The following PFKM variants were observed in gnomAD, a reference collection of about 807,000 sequenced individuals.
PFKM encodes phosphofructokinase, muscle, also known as ATP-dependent 6-phosphofructokinase, muscle type.
PFKM carries 58 observed loss-of-function variants against 95.5 expected under a neutral mutation model. That is an observed-to-expected ratio of 0.61 (90% confidence interval 0.49 to 0.76). PFKM has a LOEUF of 0.76. Among genes scored for constraint, PFKM ranks in the 30% least tolerant of loss-of-function variants. The pLI, the probability that PFKM is intolerant of heterozygous loss-of-function variation, is 0.00. For missense variants in PFKM, 678 were observed against 1,005.4 expected (o/e 0.67, Z 4.40); for synonymous variants, 336 against 357.2 (o/e 0.94, Z 0.67).
At chr12:48,120,197 G>A (rs144701466) in intron 1 of PFKM, among the ~76,000 whole-genome samples, 66 of 152,186 alleles carry the variant, frequency 4.3e-4, no homozygotes, top group African/African-American at 1.5e-3. Context: ...AAATAAGAGC[G>A]TCTCTAGTCA....
At chr12:48,140,945 C>A (rs978854607) in intron 14 of PFKM, 74 bp downstream of exon 14, 1 of 1,499,616 alleles carries the variant, frequency 6.7e-7, no homozygotes, top group Non-Finnish European at 9.3e-7. Flanking sequence ...TGTCCATTCT[C>A]TTGGCTTCCT....
At chr12:48,141,606 G>A (rs1241335758) in intron 15 of PFKM, 134 bp from the exon 16 acceptor site, 1 of 819,276 alleles carries the variant, frequency 1.2e-6, no homozygotes, top group Admixed American at 1.7e-5. Flanking sequence ...GAGAGGGTGG[G>A]CTAGGGAGGG....
rs1338491821 is a variant in PFKM, at chr12:48,108,211, A to G, written c.205+17A>G. The stretch of plus-strand genomic sequence containing the variant: ...TCAAAACTGGTGAGGCATGTGGGTC[A>G]ACAGTGAGAAATGTTCAAAGGAATA... On this transcript the variant is annotated intron_variant, in intron 3 of 24. Transcript: ENST00000340802. 3 of 1,594,474 alleles carry G rather than the reference A, an allele frequency of 1.9e-6. No individual in the cohort carries two copies. The African/African-American group carries it at 4.0e-5, about 21-fold the overall frequency.
chr12:48,125,450 C>T (rs886186917), intron 2 of PFKM: 8 of 379,676 alleles, frequency 2.1e-5, no homozygotes, highest in Admixed American at 3.5e-5. Flanking sequence ...GGAGAAACCC[C>T]GTCTCTACTA....
chr12:48,128,461 C>A (rs1026511565), intron 2 of PFKM, among the ~76,000 whole-genome samples: 3 of 152,088 alleles, frequency 2.0e-5, no homozygotes, highest in Non-Finnish European at 4.4e-5. Context: ...GTCTTGAAGA[C>A]CATTACCAAG....
intron 1 of PFKM, among the ~76,000 whole-genome samples, chr12:48,120,933 C>G (rs181422090): frequency 4.6e-5 from 7 of 152,266 alleles, no homozygotes; most frequent in Admixed American, 4.6e-4. Context: ...GGCGGATCAC[C>G]TGAAGTCAGG....
chr12:48,129,922 G>A (rs1412740314), intron 2 of PFKM, among the ~76,000 whole-genome samples: 1 of 152,178 alleles, frequency 6.6e-6, no homozygotes, highest in Non-Finnish European at 1.5e-5. Flanking sequence ...TACTAGCTTT[G>A]TGCCCCTTGA....
At chr12:48,105,558 G>A, upstream of PFKM, 1 of 502,070 alleles carries the variant, frequency 2.0e-6, no homozygotes, top group East Asian at 5.5e-5. Context: ...ATGTTTACGT[G>A]AGACGCAGAA....
rs557362173 is a variant in PFKM, at chr12:48,145,725, G to A, written c.*17G>A. 2 of 1,613,202 alleles carry A rather than the reference G, an allele frequency of 1.2e-6. No individual in the cohort carries two copies. Among genetic ancestry groups the A allele is most frequent in the Non-Finnish European group, 1.7e-6 (2 of 1,179,224 alleles). On this transcript the variant is annotated 3_prime_UTR_variant, in exon 23 of 23. Coordinates refer to ENST00000359794, the MANE Select transcript of PFKM (RefSeq NM_000289.6). This position sits in a 1 kb window ranked among gnomAD's most constrained non-coding sequence, Gnocchi z 4.3. ...GCCGTCTAAACCTCTCTGGAGTGAGGGGAATAGATTACCTGATCATGGTCA... is the reference window on the plus strand; with the variant it reads ...GCCGTCTAAACCTCTCTGGAGTGAGAGGAATAGATTACCTGATCATGGTCA...
At chr12:48,131,429 C>T (rs370975414) in intron 4 of PFKM, 36 bp downstream of exon 4, 2 of 1,458,302 alleles carry the variant, frequency 1.4e-6, no homozygotes, top group African/African-American at 2.8e-5. Flanking sequence ...CATATTTGCT[C>T]TGTCCTTGTT....
At chr12:48,143,698 A>G in intron 18 of PFKM, 55 bp from the exon 19 acceptor site, 2 of 1,278,818 alleles carry the variant, frequency 1.6e-6, no homozygotes, top group Non-Finnish European at 2.3e-6. Flanking sequence ...AAGATGATTT[A>G]TACCCAACCT....
Position 48,145,522 on chromosome 12 carries a change from G to T in PFKM, c.2199-42G>T, listed in dbSNP as rs181532320. 5 of 1,611,004 alleles carry T rather than the reference G, an allele frequency of 3.1e-6. No individual in the cohort carries two copies. The highest frequency in any genetic ancestry group is 4.2e-6 in the Non-Finnish European group (5 of 1,177,490). ...AAACCTTTGGTAGAAGTTGATTGGGGTGCTAAAAGATTATATCATCATCTA... is the reference window on the plus strand; with the variant it reads ...AAACCTTTGGTAGAAGTTGATTGGGTTGCTAAAAGATTATATCATCATCTA... On this transcript the variant is annotated intron_variant, in intron 22 of 22. Transcript: ENST00000359794. This position sits in a 1 kb window ranked among gnomAD's most constrained non-coding sequence, Gnocchi z 4.3.
intron 12 of PFKM, 62 bp from the exon 13 acceptor site, chr12:48,139,787 C>G: frequency 9.0e-7 from 1 of 1,114,296 alleles, no homozygotes; most frequent in Non-Finnish European, 1.4e-6. Context: ...ACCAGGATCT[C>G]CATGGCTGCT....
At chr12:48,136,584 T>G (rs1950106197) in intron 10 of PFKM, among the ~76,000 whole-genome samples, 1 of 152,112 alleles carries the variant, frequency 6.6e-6, no homozygotes, top group Non-Finnish European at 1.5e-5. Context: ...AAAAAAATTT[T>G]TTTTCAAAGA....
upstream of PFKM, among the ~76,000 whole-genome samples, chr12:48,114,831 A>G (rs1197332903): frequency 6.6e-6 from 1 of 152,204 alleles, no homozygotes; most frequent in Non-Finnish European, 1.5e-5. Context: ...CTGGCCATTT[A>G]GAACCATTGT....
At chr12:48,123,376 A>G (rs977915561) in intron 2 of PFKM, among the ~76,000 whole-genome samples, 4 of 152,136 alleles carry the variant, frequency 2.6e-5, no homozygotes, top group African/African-American at 9.7e-5. Context: ...ACAAATAGGA[A>G]CAGCAGCAGT....
chr12:48,116,826 A>G (rs1317569936), upstream of PFKM, among the ~76,000 whole-genome samples: 3 of 152,210 alleles, frequency 2.0e-5, no homozygotes, highest in South Asian at 2.1e-4. Context: ...TACACTTGTG[A>G]TAATTGATAA....
chr12:48,122,978 AAT>A, intron 2 of PFKM, 119 bp downstream of exon 2: 1 of 952,186 alleles, frequency 1.1e-6, no homozygotes, highest in Non-Finnish European at 1.7e-6. Context: ...CTTTGCTAAA[AAT>A]TTCTGTGAGG....
upstream of PFKM, among the ~76,000 whole-genome samples, chr12:48,114,864 G>A (rs1056583116): frequency 3.9e-5 from 6 of 152,150 alleles, no homozygotes; most frequent in South Asian, 2.1e-4. Context: ...GGTGCAAAGC[G>A]GTGTTGCAGA....
Sources: allele counts gnomAD v4.1 joint callset (sites outside exome capture counted in the v4.1 genomes callset), GRCh38; gene constraint gnomAD v4.1.1; non-coding constraint Gnocchi (gnomAD v3.1); transcripts MANE v1.5; gene names NCBI Gene and HGNC (gene_info 2026-07-23, HGNC 2026-07-21).